The following THUMPD2 variants were observed in gnomAD, a reference collection of about 807,000 sequenced individuals.
THUMPD2 encodes the protein U6 snRNA (guanine-N(2))-methyltransferase THUMPD2.
In THUMPD2, 56 loss-of-function variants were observed where a neutral mutation model predicts 49.4. The observed-to-expected ratio is 1.13, with a 90% CI of 0.91 to 1.41. THUMPD2 has a LOEUF of 1.41. Ranked by LOEUF, THUMPD2 falls within the 40% of genes most tolerant of loss-of-function variation. THUMPD2 has a pLI of 0.00. For synonymous variants in THUMPD2, 237 were observed against 205.2 expected, an observed-to-expected ratio of 1.15 and a Z score of -1.32; for missense variants, 709 against 594.5, an observed-to-expected ratio of 1.19 and a Z score of -2.00.
At chr2:39,739,036 A>G (rs1012346927) in intron 9 of THUMPD2, among the ~76,000 whole-genome samples, 2 of 152,200 alleles carry the variant, frequency 1.3e-5, no homozygotes, top group African/African-American at 4.8e-5. Context: ...ATTGTATCAC[A>G]TATTTGTCTA....
At chr2:39,775,626 T>A (rs1678969247) in intron 1 of THUMPD2, among the ~76,000 whole-genome samples, 1 of 151,508 alleles carries the variant, frequency 6.6e-6, no homozygotes, top group Non-Finnish European at 1.5e-5. Flanking sequence ...GATACAAAAA[T>A]TAGCTGGGCA....
intron 9 of THUMPD2, among the ~76,000 whole-genome samples, chr2:39,743,832 C>G (rs1674230004): frequency 6.6e-6 from 1 of 152,196 alleles, no homozygotes; most frequent in African/African-American, 2.4e-5. Context: ...TTTACAAATT[C>G]TCTAGCCTCC....
intron 6 of THUMPD2, among the ~76,000 whole-genome samples, chr2:39,760,742 G>T (rs1676714742): frequency 6.6e-6 from 1 of 151,978 alleles, no homozygotes; most frequent in South Asian, 2.1e-4. Context: ...ACTTAACCAA[G>T]ATAAAGAGGA....
chr2:39,762,717 A>G (rs1676979285), intron 5 of THUMPD2, among the ~76,000 whole-genome samples: 1 of 150,854 alleles, frequency 6.6e-6, no homozygotes, highest in Non-Finnish European at 1.5e-5. Flanking sequence ...CACTCTAGAT[A>G]CCAAAGTTAT....
chr2:39,765,535 ATT>A (rs1474773848), intron 5 of THUMPD2, among the ~76,000 whole-genome samples: 1 of 152,000 alleles, frequency 6.6e-6, no homozygotes, highest in East Asian at 1.9e-4. Context: ...TACTTTATAA[ATT>A]TAAAAAAATA....
chr2:39,757,911 T>C (rs1215649791), intron 6 of THUMPD2, among the ~76,000 whole-genome samples: 4 of 151,730 alleles, frequency 2.6e-5, no homozygotes, highest in African/African-American at 9.8e-5. Context: ...GGTTGGATAC[T>C]GGGGTCACTT....
intron 6 of THUMPD2, among the ~76,000 whole-genome samples, chr2:39,759,941 G>C (rs1217198521): frequency 6.6e-6 from 1 of 152,188 alleles, no homozygotes; most frequent in Non-Finnish European, 1.5e-5. Flanking sequence ...AACCAGAGCA[G>C]AGGCCTCAAA....
chr2:39,748,665 C>T (rs1488611057), intron 8 of THUMPD2, among the ~76,000 whole-genome samples: 5 of 150,898 alleles, frequency 3.3e-5, no homozygotes, highest in East Asian at 1.9e-4. Context: ...TCCAGCCTGG[C>T]GACAGAGTGA....
chr2:39,753,921 T>C (rs1427298653), intron 8 of THUMPD2, among the ~76,000 whole-genome samples: 1 of 152,184 alleles, frequency 6.6e-6, no homozygotes, highest in Non-Finnish European at 1.5e-5. Flanking sequence ...AACTAAGATT[T>C]ATGCAGTTAC....
chr2:39,744,844 C>T (rs1674357046), intron 8 of THUMPD2, among the ~76,000 whole-genome samples: 1 of 152,108 alleles, frequency 6.6e-6, no homozygotes, highest in Non-Finnish European at 1.5e-5. Flanking sequence ...ACTTTCATTT[C>T]CCATTTTAAA....
chr2:39,736,809 A>G lies in THUMPD2; in HGVS notation c.1438T>C (p.Cys480Arg). 1 of 1,614,232 alleles carries G rather than the reference A, an allele frequency of 6.2e-7. No homozygotes were observed. Among genetic ancestry groups the G allele is most frequent in the Non-Finnish European group, 8.5e-7 (1 of 1,180,026 alleles). The change falls in exon 10 of 10, where the codon TGC (cysteine) becomes CGC (arginine). Residue 480 changes from cysteine to arginine, a missense_variant. Physicochemically the swap from Cys to Arg is radical, Grantham distance 180. Coordinates refer to ENST00000505747, the MANE Select transcript of THUMPD2 (RefSeq NM_025264.5). ...SPFGSLVPVECYKVSLGKTDA... is the reference protein window; with the variant it reads ...SPFGSLVPVERYKVSLGKTDA... ...GTCTTTCCAAGGCTAACTTTGTAGCATTCCACTGGTACCAAGGAGCCAAAT... is the reference window on the plus strand; with the variant it reads ...GTCTTTCCAAGGCTAACTTTGTAGCGTTCCACTGGTACCAAGGAGCCAAAT...
At chr2:39,760,697 GA>G (rs1313769315) in intron 6 of THUMPD2, among the ~76,000 whole-genome samples, 1 of 151,890 alleles carries the variant, frequency 6.6e-6, no homozygotes, top group African/African-American at 2.4e-5. Flanking sequence ...AAAAAGGAGT[GA>G]AAATATTAGT....
In THUMPD2 at chr2:39,771,535, A is replaced by G; in HGVS notation, c.232T>C (p.Phe78Leu). The G allele has an allele frequency of 6.2e-7, 1 of 1,607,132 alleles. No homozygotes were observed. Reference protein sequence around the residue: ...ERLFLLIKKQFPLIISSVSKG... With the variant: ...ERLFLLIKKQLPLIISSVSKG... ...CTTACAGAAGAAATAATAAGTGGAA[A>G]CTGCTTTTTAATCAGCAAAAATAAT... Residue 78 changes from phenylalanine (F) to leucine (L), a missense_variant, in exon 2 of 10, where the codon TTT becomes CTT. Coordinates refer to ENST00000505747, the MANE Select transcript of THUMPD2 (RefSeq NM_025264.5).
chr2:39,747,947 G>C (rs1674828305), intron 8 of THUMPD2, among the ~76,000 whole-genome samples: 1 of 151,980 alleles, frequency 6.6e-6, no homozygotes, highest in South Asian at 2.1e-4. Context: ...ATTACAATAA[G>C]GAAAGTCATC....
chr2:39,739,328 G>C (rs1403588729), intron 9 of THUMPD2, among the ~76,000 whole-genome samples: 1 of 152,076 alleles, frequency 6.6e-6, no homozygotes, highest in African/African-American at 2.4e-5. Flanking sequence ...TCACCAAGCT[G>C]CTTCTCACCT....
At chr2:39,768,011 C>T (rs1305773603) in intron 4 of THUMPD2, among the ~76,000 whole-genome samples, 6 of 152,064 alleles carry the variant, frequency 3.9e-5, no homozygotes, top group African/African-American at 1.2e-4. Context: ...AACATAATCC[C>T]ATACCCATAA....
intron 5 of THUMPD2, among the ~76,000 whole-genome samples, chr2:39,763,086 AT>A (rs1207325769): frequency 2.6e-5 from 4 of 152,202 alleles, no homozygotes; most frequent in Non-Finnish European, 5.9e-5. Flanking sequence ...GAAAATAAAA[AT>A]AATGCTTTAC....
intron 6 of THUMPD2, 142 bp from the exon 7 acceptor site, chr2:39,756,102 A>C (rs1676080952): frequency 1.5e-6 from 1 of 687,854 alleles, no homozygotes; most frequent in South Asian, 2.0e-5. Context: ...AGATGGGTTC[A>C]GGGGAGGGTT....
At chr2:39,752,895 TTA>T (rs1675602766) in intron 8 of THUMPD2, among the ~76,000 whole-genome samples, 1 of 152,224 alleles carries the variant, frequency 6.6e-6, no homozygotes, top group East Asian at 1.9e-4. Flanking sequence ...GTTTTAAGGT[TTA>T]TTCTCCTCCC....
Sources: allele counts gnomAD v4.1 joint callset (sites outside exome capture counted in the v4.1 genomes callset), GRCh38; gene constraint gnomAD v4.1.1; transcripts MANE v1.5; gene names NCBI Gene and HGNC (gene_info 2026-07-23, HGNC 2026-07-21).